CFAP96: variants seen among roughly 807,000 people sequenced by gnomAD.
The protein encoded by CFAP96 is cilia-and flagella-associated protein 96.
chr4:185,426,244 T>C, the CFAP96 span: 1 of 257,746 alleles, frequency 3.9e-6, no homozygotes, highest in Non-Finnish European at 7.7e-6. Context: ...CCAGCTGTGG[T>C]GGAACGTGCA....
At chr4:185,415,912 C>T in the CFAP96 span, 16 of 1,459,626 alleles carry the variant, frequency 1.1e-5, no homozygotes, top group Non-Finnish European at 1.4e-5. Flanking sequence ...GCATTAAACA[C>T]TAAATATAAA....
chr4:185,426,430 C>T, the CFAP96 span: 2 of 152,992 alleles, frequency 1.3e-5, no homozygotes, highest in Non-Finnish European at 2.9e-5. Context: ...AGGTGTTGCC[C>T]CTTAGATACC....
At chr4:185,425,969 G>A in the CFAP96 span, 1 of 1,391,482 alleles carries the variant, frequency 7.2e-7, no homozygotes, top group Admixed American at 2.0e-5. Flanking sequence ...CGGGGCCCGG[G>A]CGGACCAACT....
chr4:185,440,974 G>A, the CFAP96 span, among the ~76,000 whole-genome samples: 3 of 149,712 alleles, frequency 2.0e-5, no homozygotes, highest in Admixed American at 6.7e-5. Context: ...TTTTTGAGAT[G>A]GAGTCTCACT....
chr4:185,443,253 T>G, the CFAP96 span, among the ~76,000 whole-genome samples: 31 of 149,604 alleles, frequency 2.1e-4, no homozygotes, highest in African/African-American at 7.6e-4. Context: ...GTAGATTATT[T>G]ATATTTTCTT....
the CFAP96 span, among the ~76,000 whole-genome samples, chr4:185,430,975 G>T: frequency 2.0e-5 from 3 of 152,090 alleles, no homozygotes; most frequent in African/African-American, 7.2e-5. Context: ...ACTTTGGGAG[G>T]CTGAGGTGGG....
At chr4:185,412,148 T>G in the CFAP96 span, among the ~76,000 whole-genome samples, 2 of 152,240 alleles carry the variant, frequency 1.3e-5, no homozygotes, top group Admixed American at 6.5e-5. Context: ...ATGTTATATG[T>G]ACATATCAAA....
At chr4:185,427,373 C>T in the CFAP96 span, among the ~76,000 whole-genome samples, 24 of 152,234 alleles carry the variant, frequency 1.6e-4, no homozygotes, top group African/African-American at 5.8e-4. Flanking sequence ...TCTTCACTTG[C>T]CCCTTTGGTG....
the CFAP96 span, among the ~76,000 whole-genome samples, chr4:185,443,255 T>C: frequency 6.7e-6 from 1 of 149,388 alleles, no homozygotes; most frequent in African/African-American, 2.4e-5. Context: ...AGATTATTTA[T>C]ATTTTCTTAG....
the CFAP96 span, among the ~76,000 whole-genome samples, chr4:185,427,495 C>T: frequency 2.0e-5 from 3 of 152,010 alleles, no homozygotes; most frequent in Admixed American, 1.3e-4. Flanking sequence ...CGCGGTGGCT[C>T]ACGCCTGAAA....
At chr4:185,410,626 C>T in the CFAP96 span, among the ~76,000 whole-genome samples, 5 of 151,686 alleles carry the variant, frequency 3.3e-5, no homozygotes, top group Admixed American at 6.6e-5. Flanking sequence ...CTAGCCTGGG[C>T]AACCGAGCAA....
the CFAP96 span, among the ~76,000 whole-genome samples, chr4:185,424,979 T>C: frequency 2.6e-5 from 4 of 152,170 alleles, no homozygotes; most frequent in East Asian, 3.9e-4. Context: ...GAAGGTGCAA[T>C]AGCCCATTCC....
the CFAP96 span, chr4:185,426,518 C>T: frequency 6.6e-6 from 1 of 152,644 alleles, no homozygotes; most frequent in African/African-American, 2.4e-5. Context: ...CCCTTCTTCA[C>T]CTCTCCTGAC....
At chr4:185,446,322 G>C in the CFAP96 span, among the ~76,000 whole-genome samples, 2 of 152,166 alleles carry the variant, frequency 1.3e-5, no homozygotes, top group Non-Finnish European at 2.9e-5. Flanking sequence ...TGGGAAAGAA[G>C]ACTTCATAGT....
the CFAP96 span, chr4:185,440,675 A>G: frequency 7.3e-6 from 11 of 1,504,232 alleles, no homozygotes; most frequent in African/African-American, 1.4e-5. Context: ...AGAGAAGAAG[A>G]AAACAATTTC....
the CFAP96 span, among the ~76,000 whole-genome samples, chr4:185,439,911 ATC>A: frequency 7.6e-3 from 1,114 of 146,424 alleles, 6 homozygotes; most frequent in Middle Eastern, 0.018. Context: ...ACACATATAT[ATC>A]TCATATATAT....
the CFAP96 span, among the ~76,000 whole-genome samples, chr4:185,417,342 T>C: frequency 1.1e-4 from 16 of 152,350 alleles, no homozygotes; most frequent in Admixed American, 5.2e-4. Flanking sequence ...AATTATTTTA[T>C]GCATTCTACA....
chr4:185,409,855 A>T, the CFAP96 span, among the ~76,000 whole-genome samples: 1 of 152,216 alleles, frequency 6.6e-6, no homozygotes, highest in Non-Finnish European at 1.5e-5. Context: ...CTGAGGAGGC[A>T]GAGATCGGAA....
chr4:185,427,199 A>T, the CFAP96 span, among the ~76,000 whole-genome samples: 1 of 152,204 alleles, frequency 6.6e-6, no homozygotes, highest in Admixed American at 6.5e-5. Flanking sequence ...GAGAGGGAGG[A>T]ACCTGTCTCA....
Sources: gnomAD v4.1 joint callset for allele counts (sites outside exome capture counted in the v4.1 genomes callset) on GRCh38, gnomAD v4.1.1 for gene constraint, MANE v1.5 for transcripts, NCBI Gene and HGNC (gene_info 2026-07-23, HGNC 2026-07-21) for gene names.